PF4V1: variants seen among roughly 807,000 people sequenced by gnomAD.
The protein encoded by PF4V1 is platelet factor 4 variant 1.
A neutral mutation model predicts 6.9 loss-of-function variants in PF4V1; 4 were observed. That is an observed-to-expected ratio of 0.58 (90% CI 0.29 to 1.34). The LOEUF (loss-of-function observed/expected upper bound fraction) is 1.34, where lower values mean the gene tolerates loss of function less well. Among genes scored for constraint, PF4V1 ranks in the 40% most tolerant of loss-of-function variants. The pLI, the probability that PF4V1 is intolerant of heterozygous loss-of-function variation, is 0.09. For missense variants in PF4V1, 127 were observed against 128.6 expected (o/e 0.99, Z 0.06); for synonymous variants, 68 against 55.9 (o/e 1.22, Z -0.97).
chr4:73,854,427 T>C lies in PF4V1; in HGVS notation c.*305T>C, dbSNP rs1292501295. Among the ~76,000 whole-genome samples, 1 of 152,202 alleles carries C rather than the reference T, an allele frequency of 6.6e-6. No individual in the cohort carries two copies. The highest frequency in any genetic ancestry group is 1.5e-5 in the Non-Finnish European group (1 of 68,032). On this transcript the variant is annotated 3_prime_UTR_variant, in exon 3 of 3. Transcript: ENST00000226524. ...GATTGCAGTACTTTATAGCTACATA[T>C]TTACCTTGAATGTTACAATTAGCTT...
chr4:73,853,591 G>C, intron 1 of PF4V1, 129 bp downstream of exon 1: 1 of 1,308,226 alleles, frequency 7.6e-7, no homozygotes, highest in South Asian at 1.4e-5. Flanking sequence ...TGAGTCTGCG[G>C]GTACAGTGCC....
chr4:73,853,710 A>G, intron 1 of PF4V1, 73 bp from the exon 2 acceptor site: 1 of 1,524,354 alleles, frequency 6.6e-7, no homozygotes, highest in Non-Finnish European at 8.9e-7. Context: ...AGGTCCCTAA[A>G]GTATCTCTGG....
rs1212370597 is a variant in PF4V1 at position 73,853,607 on chromosome 4, C to G, written c.100+145C>G. On this transcript the variant is annotated intron_variant, in intron 1 of 2. Transcript: ENST00000226524. ...GAGTCTGCGGGTACAGTGCCAGGCA[C>G]TGCACGTGCACCTCGCCACCTGATC... 6 of 1,277,194 alleles carry G rather than the reference C, an allele frequency of 4.7e-6. No individual in the cohort carries two copies. In the African/African-American group the frequency reaches 5.9e-5, roughly 13 times the overall value. 79.1% of individuals were successfully genotyped at this position (1,277,194 alleles called of 1,614,324 possible). A position where few individuals can be genotyped will look rare whatever the true frequency, so the allele number is the denominator to read the frequency against.
rs780985161 is a variant in PF4V1 at position 73,854,070 on chromosome 4, A to C, written c.263A>C (p.Asp88Ala). The change falls in exon 3 of 3, where the codon GAT (aspartate) becomes GCT (alanine). Residue 88 changes from aspartate (D) to alanine (A), a missense_variant. Physicochemically the swap from Asp to Ala is moderately radical, Grantham distance 126. Coordinates refer to ENST00000226524, the MANE Select transcript of PF4V1 (RefSeq NM_002620.4). ...AAGAATGGGAGGAAAATTTGCTTGG[A>C]TCTGCAAGCCCTGCTGTACAAGAAA... ...TLKNGRKICL[D>A]LQALLYKKII... 2 of 1,614,210 alleles carry C rather than the reference A, an allele frequency of 1.2e-6. No homozygotes were observed. Among genetic ancestry groups the C allele is most frequent in the South Asian group, 2.2e-5 (2 of 91,090 alleles).
rs773564906 is a variant in PF4V1, at chr4:73,854,470, G to A, written c.*348G>A. Among the ~76,000 whole-genome samples the A allele has an allele frequency of 2.1e-5, 3 of 143,568 alleles. No individual in the cohort carries two copies. Among genetic ancestry groups the A allele is most frequent in the Non-Finnish European group, 3.0e-5 (2 of 66,552 alleles). 94.2% of individuals were successfully genotyped at this position (143,568 alleles called of 152,430 possible). On this transcript the variant is annotated 3_prime_UTR_variant, in exon 3 of 3. Coordinates refer to ENST00000226524, the MANE Select transcript of PF4V1 (RefSeq NM_002620.4). ...ATTAGCTTGCCAATAAATATTAGTA[G>A]CTCTTAAGCATTACTCGACAGCTTT...
Position 73,854,092 on chromosome 4 carries a change from G to T in PF4V1, c.285G>T (p.Lys95Asn), listed in dbSNP as rs1296482146. 1 of 1,614,130 alleles carries T rather than the reference G, an allele frequency of 6.2e-7. No homozygotes were observed. The highest frequency in any genetic ancestry group is 8.5e-7 in the Non-Finnish European group (1 of 1,179,984). Residue 95 changes from lysine (K) to asparagine (N), a missense_variant, in exon 3 of 3, where the codon AAG (lysine) becomes AAT (asparagine). Transcript: ENST00000226524. ...TGGATCTGCAAGCCCTGCTGTACAA[G>T]AAAATCATTAAGGAACATTTGGAGA... is the stretch of plus-strand genomic sequence containing the variant. ...ICLDLQALLY[K>N]KIIKEHLES
chr4:73,853,756 C>G (rs1188466414), intron 1 of PF4V1, 27 bp from the exon 2 acceptor site: 1 of 1,591,010 alleles, frequency 6.3e-7, no homozygotes, highest in East Asian at 2.3e-5. Flanking sequence ...CCCTCCTCCT[C>G]TCTTACTCCC....
rs145239828 is a variant in PF4V1 at position 73,853,542 on chromosome 4, C to T, written c.100+80C>T. On this transcript the variant is annotated intron_variant, in intron 1 of 2. Transcript: ENST00000226524. ...AGCCCTGGGGCTGGGGAGGAATCCT[C>T]TAGGATCATGATCGCAGCTGCTCTT... The T allele has an allele frequency of 3.8e-4, 573 of 1,495,640 alleles. 4 individuals are homozygous for T. The Middle Eastern group carries it at 0.013, about 33-fold the overall frequency. 92.6% of individuals were successfully genotyped at this position (1,495,640 alleles called of 1,614,324 possible). A position where few individuals can be genotyped will look rare whatever the true frequency, so the allele number is the denominator to read the frequency against.
Position 73,854,298 on chromosome 4 carries a change from TC to T in PF4V1, c.*178del. ...CATCACAATTTCATATTTTAAAATT[TC>T]CAGAATTTTAAGCAAAAAGCATTAT... On this transcript the variant is annotated 3_prime_UTR_variant, in exon 3 of 3. Coordinates refer to ENST00000226524, the MANE Select transcript of PF4V1 (RefSeq NM_002620.4). 1.7e-6 allele frequency: 1 copy of T among 587,734 alleles called. No homozygotes were observed. The highest frequency in any genetic ancestry group is 2.9e-6 in the Non-Finnish European group (1 of 341,526). The allele number at this position is 587,734 out of a possible 1,614,324, so 36.4% of individuals were successfully genotyped here.
In PF4V1 at chr4:73,854,075, C is replaced by A. The variant is rs1731490114; in HGVS notation, c.268C>A (p.Gln90Lys). ...KNGRKICLDL[Q>K]ALLYKKIIKE... Reference sequence around the variant, plus strand: ...TGGGAGGAAAATTTGCTTGGATCTGCAAGCCCTGCTGTACAAGAAAATCAT... The same window carrying A: ...TGGGAGGAAAATTTGCTTGGATCTGAAAGCCCTGCTGTACAAGAAAATCAT... Residue 90 changes from glutamine to lysine, a missense_variant, in exon 3 of 3, where the codon CAA (glutamine) becomes AAA (lysine). Gln to Lys is a moderately conservative substitution (Grantham distance 53). Transcript: ENST00000226524. The A allele has an allele frequency of 6.2e-7, 1 of 1,614,078 alleles. No individual in the cohort carries two copies. The highest frequency in any genetic ancestry group is 1.3e-5 in the African/African-American group (1 of 74,940).
rs976247665 is a variant in PF4V1, at chr4:73,854,127, T to C, written c.*5T>C. On this transcript the variant is annotated 3_prime_UTR_variant, in exon 3 of 3. Transcript: ENST00000226524. ...AAGGAACATTTGGAGAGTTAGCTAC[T>C]AGCTGCCTAAGTGTGCACTTTCAAT... 40 of 1,602,906 alleles carry C rather than the reference T, an allele frequency of 2.5e-5. No individual in the cohort carries two copies. The highest frequency in any genetic ancestry group is 3.2e-5 in the Non-Finnish European group (38 of 1,169,856).
intron 1 of PF4V1, 26 bp from the exon 2 acceptor site, chr4:73,853,757 T>C (rs1417819686): frequency 6.3e-7 from 1 of 1,591,590 alleles, no homozygotes; most frequent in South Asian, 1.1e-5. Context: ...CCTCCTCCTC[T>C]CTTACTCCCT....
At chr4:73,853,947 C>T (rs1321659453) in intron 2 of PF4V1, 38 bp downstream of exon 2, 3 of 1,602,476 alleles carry the variant, frequency 1.9e-6, no homozygotes, top group Non-Finnish European at 2.6e-6. Flanking sequence ...GCTCCCGCTC[C>T]GTGCCTCCTC....
Position 73,854,087 on chromosome 4 carries a change from T to C in PF4V1, c.280T>C (p.Tyr94His), listed in dbSNP as rs546737103. ...KICLDLQALL[Y>H]KKIIKEHLES ...TTGCTTGGATCTGCAAGCCCTGCTG[T>C]ACAAGAAAATCATTAAGGAACATTT... The change falls in exon 3 of 3, where the codon TAC (tyrosine) becomes CAC (histidine). Residue 94 changes from tyrosine (Y) to histidine (H), a missense_variant. Coordinates refer to ENST00000226524, the MANE Select transcript of PF4V1 (RefSeq NM_002620.4). 6 of 1,614,194 alleles carry C rather than the reference T, an allele frequency of 3.7e-6. No individual in the cohort carries two copies. The highest frequency in any genetic ancestry group is 3.3e-5 in the South Asian group (3 of 91,084).
Position 73,853,971 on chromosome 4 carries a change from C to G in PF4V1, c.227+62C>G, listed in dbSNP as rs183632267. 447 of 1,608,126 alleles carry G rather than the reference C, an allele frequency of 2.8e-4. 4 individuals are homozygous for G. In the East Asian group the frequency reaches 6.9e-3, roughly 25 times the overall value. ...CCGTGCCTCCTCTGCCCATCCCTCC[C>G]CCTTCTAATGCCATTTGCAAACCCA... On this transcript the variant is annotated intron_variant, in intron 2 of 2. Transcript: ENST00000226524.
rs1220128958 is a variant in PF4V1, at chr4:73,853,790, T to A, written c.108T>A (p.Ala36=). Residue 36 remains alanine (A), a synonymous_variant, in exon 2 of 3, where the codon GCT becomes GCA. Transcript: ENST00000226524. The part of the protein sequence containing the change: ...PVVVAFARAE[A]EEDGDLQCLC... ...CCTCCCTTTCCCCCTCAGCTGAAGCTGAAGAAGATGGGGACCTGCAGTGCC... is the reference window on the plus strand; with the variant it reads ...CCTCCCTTTCCCCCTCAGCTGAAGCAGAAGAAGATGGGGACCTGCAGTGCC... 8.7e-6 allele frequency: 14 copies of A among 1,610,814 alleles called. No homozygotes were observed.
chr4:73,853,297 C>T lies in PF4V1; in HGVS notation c.-66C>T, dbSNP rs1224583919. 1.2e-5 allele frequency: 15 copies of T among 1,280,244 alleles called. No homozygotes were observed. The Admixed American group carries it at 2.0e-4, about 17-fold the overall frequency. 79.3% of individuals were successfully genotyped at this position (1,280,244 alleles called of 1,614,324 possible). ...AGAAGCCTGGTGAGGCCAGGAGTCA[C>T]TGCCTGCAGAACCCCAGCCCGACTT... On this transcript the variant is annotated 5_prime_UTR_variant, in exon 1 of 3. Coordinates refer to ENST00000226524, the MANE Select transcript of PF4V1 (RefSeq NM_002620.4).
At position 73,854,061 on chromosome 4, in the gene PF4V1, T is replaced by G. The variant is rs1731489525; in HGVS notation, c.254T>G (p.Ile85Ser). The G allele has an allele frequency of 6.2e-7, 1 of 1,614,112 alleles. No individual in the cohort carries two copies. The highest frequency in any genetic ancestry group is 8.5e-7 in the Non-Finnish European group (1 of 1,180,004). ...LIATLKNGRKICLDLQALLYK... is the reference protein window; with the variant it reads ...LIATLKNGRKSCLDLQALLYK... ...GCCACGCTGAAGAATGGGAGGAAAATTTGCTTGGATCTGCAAGCCCTGCTG... is the reference window on the plus strand; with the variant it reads ...GCCACGCTGAAGAATGGGAGGAAAAGTTGCTTGGATCTGCAAGCCCTGCTG... Residue 85 changes from isoleucine (I) to serine (S), a missense_variant, in exon 3 of 3, where the codon ATT becomes AGT. Transcript: ENST00000226524.
At position 73,854,454 on chromosome 4, in the gene PF4V1, C is replaced by T. The variant is rs1408674817; in HGVS notation, c.*332C>T. Among the ~76,000 whole-genome samples the T allele has an allele frequency of 6.6e-6, 1 of 150,826 alleles. No individual in the cohort carries two copies. Among genetic ancestry groups the T allele is most frequent in the South Asian group, 2.1e-4 (1 of 4,794 alleles). ...TACCTTGAATGTTACAATTAGCTTG[C>T]CAATAAATATTAGTAGCTCTTAAGC... On this transcript the variant is annotated 3_prime_UTR_variant, in exon 3 of 3. Coordinates refer to ENST00000226524, the MANE Select transcript of PF4V1 (RefSeq NM_002620.4).
Sources: allele counts gnomAD v4.1 joint callset (sites outside exome capture counted in the v4.1 genomes callset), GRCh38; gene constraint gnomAD v4.1.1; transcripts MANE v1.5; gene names NCBI Gene and HGNC (gene_info 2026-07-23, HGNC 2026-07-21).